SLC66A2: variants seen among roughly 807,000 people sequenced by gnomAD.
SLC66A2 encodes PQ loop repeat containing 1.
SLC66A2 carries 23 observed loss-of-function variants against 25.5 expected under a neutral mutation model. That is an observed-to-expected ratio of 0.90 (90% confidence interval 0.65 to 1.28). SLC66A2 has a LOEUF of 1.28. Ranked by LOEUF, SLC66A2 falls within the 50% of genes most tolerant of loss-of-function variation. SLC66A2 has a pLI of 0.00. For synonymous variants in SLC66A2, 193 were observed against 166.5 expected, an observed-to-expected ratio of 1.16 and a Z score of -1.23; for missense variants, 396 against 373.1, an observed-to-expected ratio of 1.06 and a Z score of -0.51.
intron 3 of SLC66A2, among the ~76,000 whole-genome samples, chr18:79,935,715 G>A (rs1987014878): frequency 6.6e-6 from 1 of 152,150 alleles, no homozygotes; most frequent in Non-Finnish European, 1.5e-5. Flanking sequence ...TCATGAGGAG[G>A]CCTTGGTGGG....
rs1987175406 is a variant in SLC66A2, at chr18:79,937,178, G to T, written c.338-3156C>A. 6.6e-6 allele frequency among the ~76,000 whole-genome samples: 1 copy of T among 152,170 alleles called. No individual in the cohort carries two copies. Among genetic ancestry groups the T allele is most frequent in the South Asian group, 2.1e-4 (1 of 4,830 alleles). On this transcript the variant is annotated intron_variant, in intron 3 of 5. Coordinates refer to ENST00000397778, the MANE Select transcript of SLC66A2 (RefSeq NM_025078.5). The surrounding 1 kb of genome is among the most constrained non-coding windows in gnomAD (Gnocchi z 5.4). ...AACCCTCACACATGCCTAGGCCGTG[G>T]TCTCCAAACACTGTGTCCCAGATAC...
At chr18:79,945,709 C>T (rs1040404185) in intron 2 of SLC66A2, among the ~76,000 whole-genome samples, 2 of 152,238 alleles carry the variant, frequency 1.3e-5, no homozygotes, top group African/African-American at 2.4e-5. Flanking sequence ...GCAGGGGGCA[C>T]GGGCACTCTG....
At chr18:79,951,269 C>T (rs1188826229) in intron 1 of SLC66A2, among the ~76,000 whole-genome samples, 1 of 151,592 alleles carries the variant, frequency 6.6e-6, no homozygotes, top group Non-Finnish European at 1.5e-5. Flanking sequence ...CCTGGGGTCA[C>T]CGCCCGGGTG....
chr18:79,915,767 A>C (rs1983913755), intron 5 of SLC66A2: 1 of 152,218 alleles, frequency 6.6e-6, no homozygotes, highest in Non-Finnish European at 1.5e-5. Flanking sequence ...GGAGCAGGGC[A>C]AACTCAGAGG....
chr18:79,917,944 C>T lies in SLC66A2; in HGVS notation c.608+1240G>A, dbSNP rs945103791. Among the ~76,000 whole-genome samples the T allele has an allele frequency of 6.6e-6, 1 of 151,918 alleles. No individual in the cohort carries two copies. The highest frequency in any genetic ancestry group is 2.4e-5 in the African/African-American group (1 of 41,306). The stretch of plus-strand genomic sequence containing the variant: ...CACCGGAACTCCATACCCCACACCC[C>T]AGCCCACACCTACACTTCACATCTG... On this transcript the variant is annotated intron_variant, in intron 5 of 5. Transcript: ENST00000397778. This position sits in a 1 kb window ranked among gnomAD's most constrained non-coding sequence, Gnocchi z 6.0.
chr18:79,936,929 G>A (rs939691481), intron 3 of SLC66A2, among the ~76,000 whole-genome samples: 3 of 152,138 alleles, frequency 2.0e-5, no homozygotes, highest in Admixed American at 6.5e-5. Context: ...TCAGACTGCC[G>A]TGCACAGAGA....
chr18:79,950,806 G>A lies in SLC66A2; in HGVS notation c.121C>T (p.Arg41Cys). Residue 41 changes from arginine (R) to cysteine (C), a missense_variant, in exon 2 of 6, where the codon CGC (arginine) becomes TGC (cysteine). Arg to Cys is a radical substitution (Grantham distance 180). Coordinates refer to ENST00000397778, the MANE Select transcript of SLC66A2 (RefSeq NM_025078.5). ...VPYVPQYRDIRRTQNADGFST... is the reference protein window; with the variant it reads ...VPYVPQYRDICRTQNADGFST... ...AAGCCGTCGGCGTTCTGCGTCCTGC[G>A]AATGTCCCGATACTGCGGGACGTAG... The A allele has an allele frequency of 4.3e-6, 7 of 1,613,094 alleles. No individual in the cohort carries two copies. The highest frequency in any genetic ancestry group is 1.7e-5 in the Admixed American group (1 of 60,020).
chr18:79,934,141 A>C (rs1026174835), intron 3 of SLC66A2, 119 bp from the exon 4 acceptor site: 2 of 764,508 alleles, frequency 2.6e-6, no homozygotes, highest in African/African-American at 3.6e-5. Context: ...AAAAAAAAAA[A>C]CAAACCAGAA....
Position 79,937,815 on chromosome 18 carries a change from C to T in SLC66A2, c.338-3793G>A, listed in dbSNP as rs142146311. Among the ~76,000 whole-genome samples, 21 of 152,220 alleles carry T rather than the reference C, an allele frequency of 1.4e-4. No individual in the cohort carries two copies. The South Asian group carries it at 2.9e-3, about 21-fold the overall frequency. ...TCCACATCCCAGGGACATAAAGACA[C>T]GAGGAAACACCAGGAGTGCCATCTC... On this transcript the variant is annotated intron_variant, in intron 3 of 5. Transcript: ENST00000397778. The surrounding 1 kb of genome is among the most constrained non-coding windows in gnomAD (Gnocchi z 5.4).
rs551768898 is a variant in SLC66A2 at position 79,913,203 on chromosome 18, G to T, written c.608+5981C>A. On this transcript the variant is annotated intron_variant, in intron 5 of 5. Transcript: ENST00000397778. Reference sequence around the variant, plus strand: ...TCACCCATCCTCACTCAGCCACGGTGGTCACACACTGTCGGGGTCCACACA... The same window carrying T: ...TCACCCATCCTCACTCAGCCACGGTTGTCACACACTGTCGGGGTCCACACA... Among the ~76,000 whole-genome samples, 3 of 152,286 alleles carry T rather than the reference G, an allele frequency of 2.0e-5. No individual in the cohort carries two copies. The South Asian group carries it at 6.2e-4, about 32-fold the overall frequency.
At chr18:79,930,048 A>G (rs1374502824) in intron 4 of SLC66A2, among the ~76,000 whole-genome samples, 1 of 152,164 alleles carries the variant, frequency 6.6e-6, no homozygotes, top group African/African-American at 2.4e-5. Context: ...CAAGGAGATA[A>G]TGACTTTTGA....
rs188732199 is a variant in SLC66A2, at chr18:79,916,634, C to T, written c.608+2550G>A. 3.1e-3 allele frequency among the ~76,000 whole-genome samples: 470 copies of T among 152,344 alleles called. 2 individuals are homozygous for T. The highest frequency in any genetic ancestry group is 4.8e-3 in the Non-Finnish European group (329 of 68,036). On this transcript the variant is annotated intron_variant, in intron 5 of 5. Transcript: ENST00000397778. ...GAGGCTCCGGGGAGAGCTGAATTTG[C>T]GGGAGCCGGCAGGAGAGTGAACAGG...
At chr18:79,938,458 T>A (rs1452802298) in intron 3 of SLC66A2, among the ~76,000 whole-genome samples, 1 of 152,148 alleles carries the variant, frequency 6.6e-6, no homozygotes, top group East Asian at 1.9e-4. Context: ...GACATCTCCC[T>A]CCAGTGAGGG....
chr18:79,946,351 A>G (rs535309529), intron 2 of SLC66A2, among the ~76,000 whole-genome samples: 1 of 152,384 alleles, frequency 6.6e-6, no homozygotes, highest in African/African-American at 2.4e-5. Context: ...AGCTAATTAA[A>G]ATAGATGCCA....
chr18:79,947,470 G>A (rs1050560191), intron 2 of SLC66A2: 7 of 103,868 alleles, frequency 6.7e-5, no homozygotes. Context: ...GAGCTGCCCA[G>A]AGGGACTGGA....
intron 3 of SLC66A2, among the ~76,000 whole-genome samples, chr18:79,942,966 C>T (rs967889860): frequency 3.9e-5 from 6 of 152,130 alleles, no homozygotes; most frequent in African/African-American, 7.2e-5. Flanking sequence ...GTACAGGCCA[C>T]GCACACAGAC....
At chr18:79,908,488 C>A (rs1289253053) in intron 5 of SLC66A2, among the ~76,000 whole-genome samples, 2 of 152,088 alleles carry the variant, frequency 1.3e-5, no homozygotes, top group Non-Finnish European at 2.9e-5. Context: ...GACTTTGATT[C>A]TTACCAGTTT....
rs1568305325 is a variant in SLC66A2 at position 79,918,422 on chromosome 18, G to GGGC, written c.608+761_608+762insGCC. On this transcript the variant is annotated intron_variant, in intron 5 of 5. Coordinates refer to ENST00000397778, the MANE Select transcript of SLC66A2 (RefSeq NM_025078.5). The surrounding 1 kb of genome is among the most constrained non-coding windows in gnomAD (Gnocchi z 4.0). ...GGATCCCCAGTGAGGAGCGGGCCCG[G>GGGC]GGGGGGGTCCCCAGTGAGGAGCGGG... Among the ~76,000 whole-genome samples the GGGC allele has an allele frequency of 2.0e-5, 3 of 150,450 alleles. No individual in the cohort carries two copies. Among genetic ancestry groups the GGGC allele is most frequent in the South Asian group, 4.2e-4 (2 of 4,762 alleles).
rs377215473 is a variant in SLC66A2 at position 79,937,335 on chromosome 18, A to C, written c.338-3313T>G. 6.6e-5 allele frequency among the ~76,000 whole-genome samples: 10 copies of C among 152,340 alleles called. No individual in the cohort carries two copies. The highest frequency in any genetic ancestry group is 2.4e-4 in the African/African-American group (10 of 41,578). On this transcript the variant is annotated intron_variant, in intron 3 of 5. Coordinates refer to ENST00000397778, the MANE Select transcript of SLC66A2 (RefSeq NM_025078.5). This position sits in a 1 kb window ranked among gnomAD's most constrained non-coding sequence, Gnocchi z 5.4. ...TGCTGGGTCGAAAGGGCCCAGCAGC[A>C]TCTGACGCGGCTCCCCGGCCAGAGG...
Sources: gnomAD v4.1 joint callset for allele counts (sites outside exome capture counted in the v4.1 genomes callset) on GRCh38, gnomAD v4.1.1 for gene constraint, Gnocchi (gnomAD v3.1) non-coding constraint, MANE v1.5 for transcripts, NCBI Gene and HGNC (gene_info 2026-07-23, HGNC 2026-07-21) for gene names.